MAPRE3: variants seen among roughly 807,000 people sequenced by gnomAD.
The protein encoded by MAPRE3 is microtubule-associated protein RP/EB family member 3.
MAPRE3 carries 2 observed loss-of-function variants against 30.5 expected under a neutral mutation model. The ratio of observed to expected loss-of-function variants is 0.07; its 90% CI spans 0.03 to 0.21. The LOEUF is 0.21. Among genes scored for constraint, MAPRE3 ranks in the 10% least tolerant of loss-of-function variants. MAPRE3 has a pLI of 1.00. For missense variants in MAPRE3, 204 were observed against 351.8 expected (o/e 0.58, Z 3.36); for synonymous variants, 110 against 127.7 (o/e 0.86, Z 0.93).
chr2:27,021,883 A>G (rs1195609195), intron 1 of MAPRE3, among the ~76,000 whole-genome samples: 1 of 151,852 alleles, frequency 6.6e-6, no homozygotes, highest in Non-Finnish European at 1.5e-5. Context: ...ATGCGCTCAC[A>G]CCCTTCTTTG....
At chr2:26,973,597 G>T (rs2148193930) in intron 1 of MAPRE3, among the ~76,000 whole-genome samples, 1 of 150,400 alleles carries the variant, frequency 6.6e-6, no homozygotes, top group African/African-American at 2.4e-5. Context: ...GCCCAGGCCG[G>T]ACTGCGGACT....
chr2:27,018,509 G>GGAGA (rs1667036506), intron 1 of MAPRE3, among the ~76,000 whole-genome samples: 1 of 152,062 alleles, frequency 6.6e-6, no homozygotes, highest in Non-Finnish European at 1.5e-5. Context: ...CACACTTTGG[G>GGAGA]GCATTTGGTT....
chr2:27,000,489 T>G (rs1219917966), intron 1 of MAPRE3, among the ~76,000 whole-genome samples: 1 of 152,042 alleles, frequency 6.6e-6, no homozygotes, highest in Non-Finnish European at 1.5e-5. Flanking sequence ...AGTGAAAGAC[T>G]TAAAAACAAG....
At position 27,026,455 on chromosome 2, in the gene MAPRE3, C is replaced by T; in HGVS notation, c.*107C>T. 3.0e-6 allele frequency: 3 copies of T among 984,768 alleles called. No homozygotes were observed. In the South Asian group the frequency reaches 4.7e-5, roughly 16 times the overall value. The allele number at this position is 984,768 out of a possible 1,614,324, so 61.0% of individuals were successfully genotyped here. A position where few individuals can be genotyped will look rare whatever the true frequency, so the allele number is the denominator to read the frequency against. ...ACACGGTCGGCCGGGTGCTTTGTGT[C>T]AGTGCTGCAGCACTGGGGAGCCAGG... On this transcript the variant is annotated 3_prime_UTR_variant, in exon 7 of 7. Coordinates refer to ENST00000233121, the MANE Select transcript of MAPRE3 (RefSeq NM_012326.4).
At chr2:27,018,364 C>T (rs1290036861) in intron 1 of MAPRE3, among the ~76,000 whole-genome samples, 1 of 152,184 alleles carries the variant, frequency 6.6e-6, no homozygotes, top group Non-Finnish European at 1.5e-5. Flanking sequence ...TCTGCACCAG[C>T]TCCTGGCCGT....
At chr2:27,021,761 G>A (rs1667114378) in intron 1 of MAPRE3, among the ~76,000 whole-genome samples, 1 of 152,198 alleles carries the variant, frequency 6.6e-6, no homozygotes, top group Non-Finnish European at 1.5e-5. Flanking sequence ...GTTCTTGCTA[G>A]TCCCTGTGGC....
At chr2:27,006,114 G>A (rs560493730) in intron 1 of MAPRE3, among the ~76,000 whole-genome samples, 7 of 152,238 alleles carry the variant, frequency 4.6e-5, no homozygotes, top group South Asian at 2.1e-4. Flanking sequence ...CCCGGGAGGC[G>A]TAGCTGGCAC....
intron 1 of MAPRE3, among the ~76,000 whole-genome samples, chr2:26,983,569 G>A (rs1411694181): frequency 6.6e-6 from 1 of 152,198 alleles, no homozygotes; most frequent in Admixed American, 6.5e-5. Context: ...TGCAGGCCCT[G>A]TCAAGGGTAC....
intron 1 of MAPRE3, among the ~76,000 whole-genome samples, chr2:26,999,806 T>G (rs563104588): frequency 1.3e-4 from 20 of 152,282 alleles, no homozygotes; most frequent in African/African-American, 4.8e-4. Flanking sequence ...CCAGCCCAAC[T>G]ACATGCACTT....
intron 1 of MAPRE3, among the ~76,000 whole-genome samples, chr2:26,991,070 G>A (rs551529959): frequency 1.5e-3 from 231 of 152,274 alleles, no homozygotes; most frequent in South Asian, 0.011. Flanking sequence ...TGGCTAACAT[G>A]GTGAAACCCC....
At chr2:27,007,147 T>C (rs191276492) in intron 1 of MAPRE3, among the ~76,000 whole-genome samples, 93 of 152,360 alleles carry the variant, frequency 6.1e-4, no homozygotes, top group African/African-American at 2.2e-3. Context: ...GGTTTTCCTT[T>C]ACCTTGAAGT....
At chr2:27,001,424 T>G (rs1357432375) in intron 1 of MAPRE3, among the ~76,000 whole-genome samples, 1 of 152,140 alleles carries the variant, frequency 6.6e-6, no homozygotes, top group Non-Finnish European at 1.5e-5. Context: ...CAGGATCACT[T>G]GAGTCCAGGA....
chr2:27,017,635 G>T (rs368460330), intron 1 of MAPRE3, among the ~76,000 whole-genome samples: 7 of 152,094 alleles, frequency 4.6e-5, no homozygotes, highest in African/African-American at 1.7e-4. Flanking sequence ...GTGTGCCAAG[G>T]ACTGGCTAGT....
At chr2:27,017,734 T>C (rs1667020180) in intron 1 of MAPRE3, among the ~76,000 whole-genome samples, 1 of 152,202 alleles carries the variant, frequency 6.6e-6, no homozygotes, top group South Asian at 2.1e-4. Context: ...TAAGTATGCA[T>C]ATCAAATGAA....
At chr2:26,992,521 G>A (rs925286341) in intron 1 of MAPRE3, among the ~76,000 whole-genome samples, 8 of 148,162 alleles carry the variant, frequency 5.4e-5, no homozygotes, top group African/African-American at 1.2e-4. Context: ...CACTGCACCC[G>A]GCCCAGATAA....
At chr2:26,972,486 G>C (rs1319873818) in intron 1 of MAPRE3, among the ~76,000 whole-genome samples, 1 of 152,222 alleles carries the variant, frequency 6.6e-6, no homozygotes, top group Non-Finnish European at 1.5e-5. Context: ...CAGCAGGGCA[G>C]TTTCTTCTGT....
chr2:26,997,505 A>AT (rs968558583), intron 1 of MAPRE3, among the ~76,000 whole-genome samples: 4 of 152,252 alleles, frequency 2.6e-5, no homozygotes, highest in Admixed American at 1.3e-4. Context: ...CGCAGCCTAG[A>AT]TTCCTCAAAT....
At chr2:26,995,825 G>GTGTGTA (rs1283375400) in intron 1 of MAPRE3, among the ~76,000 whole-genome samples, 140 of 149,294 alleles carry the variant, frequency 9.4e-4, no homozygotes, top group East Asian at 8.8e-3. Flanking sequence ...GTGTGTGTGT[G>GTGTGTA]TGTGTATGTG....
chr2:27,001,170 G>A (rs1055346817), intron 1 of MAPRE3, among the ~76,000 whole-genome samples: 6 of 152,092 alleles, frequency 3.9e-5, no homozygotes, highest in African/African-American at 9.7e-5. Flanking sequence ...AATGTGTCTT[G>A]TGATTTTGCC....
Sources: gnomAD v4.1 joint callset for allele counts (sites outside exome capture counted in the v4.1 genomes callset) on GRCh38, gnomAD v4.1.1 for gene constraint, MANE v1.5 for transcripts, NCBI Gene and HGNC (gene_info 2026-07-23, HGNC 2026-07-21) for gene names.